Variants in NAV2 observed in about 807,000 individuals in gnomAD.
NAV2 encodes neuron navigator 2.
NAV2 carries 54 observed loss-of-function variants against 223.2 expected under a neutral mutation model. The observed-to-expected ratio is 0.24, with a 90% CI of 0.19 to 0.30. The LOEUF (loss-of-function observed/expected upper bound fraction) is 0.30, where lower values mean the gene tolerates loss of function less well. Among genes scored for constraint, NAV2 ranks in the 10% least tolerant of loss-of-function variants. The probability of loss-of-function intolerance (pLI) is 1.00; values close to 1 mark genes in which losing one functional copy is unlikely to be tolerated. For synonymous variants in NAV2, 1,279 were observed against 1,239.3 expected, an observed-to-expected ratio of 1.03 and a Z score of -0.67; for missense variants, 2,806 against 3,147.5, an observed-to-expected ratio of 0.89 and a Z score of 2.60.
intron 1 of NAV2, among the ~76,000 whole-genome samples, chr11:19,519,516 C>T (rs1310715476): frequency 6.6e-6 from 1 of 152,190 alleles, no homozygotes; most frequent in African/African-American, 2.4e-5. Flanking sequence ...AGGGTTTGAA[C>T]CCTGATGATG....
intron 6 of NAV2, among the ~76,000 whole-genome samples, chr11:19,908,858 G>C (rs984078599): frequency 1.3e-5 from 2 of 152,160 alleles, no homozygotes; most frequent in Admixed American, 6.5e-5. Context: ...TGCTAGGGCT[G>C]TGGGGTGGGA....
chr11:19,639,827 A>ATGG (rs2047611225), intron 1 of NAV2, among the ~76,000 whole-genome samples: 1 of 152,102 alleles, frequency 6.6e-6, no homozygotes, highest in Non-Finnish European at 1.5e-5. Context: ...GATCAGGGAG[A>ATGG]TGGAGTGGGA....
At chr11:19,614,264 T>C (rs772071126) in intron 1 of NAV2, among the ~76,000 whole-genome samples, 5 of 152,154 alleles carry the variant, frequency 3.3e-5, no homozygotes, top group Non-Finnish European at 7.3e-5. Context: ...GCTGGCTGTG[T>C]TCTTCTCCAC....
Position 20,023,313 on chromosome 11 carries a change from T to C in NAV2, c.2769-12646T>C, listed in dbSNP as rs563708534. ...GGGAGGGGGCGGGGGGCAAGGTTGC[T>C]GGTCAGGAAATTCACCTCTTCTCCT... is the stretch of plus-strand genomic sequence containing the variant. On this transcript the variant is annotated intron_variant, in intron 11 of 37. Transcript: ENST00000349880. Among the ~76,000 whole-genome samples, 143 of 152,060 alleles carry C rather than the reference T, an allele frequency of 9.4e-4. 1 individual carries two copies. Among genetic ancestry groups the C allele is most frequent in the African/African-American group, 3.2e-3 (132 of 41,464 alleles).
intron 9 of NAV2, 69 bp from the exon 10 acceptor site, chr11:19,948,622 T>C: frequency 6.9e-7 from 1 of 1,442,708 alleles, no homozygotes; most frequent in Non-Finnish European, 9.2e-7. Flanking sequence ...TTCTAAATAA[T>C]TAAAGAACAT....
intron 1 of NAV2, among the ~76,000 whole-genome samples, chr11:19,572,515 G>A (rs577682505): frequency 6.6e-6 from 1 of 152,298 alleles, no homozygotes; most frequent in South Asian, 2.1e-4. Context: ...GGAAGCTCTG[G>A]AGTGTTCATT....
At chr11:19,646,872 T>C (rs76897050) in intron 1 of NAV2, among the ~76,000 whole-genome samples, 2 of 152,260 alleles carry the variant, frequency 1.3e-5, no homozygotes, top group East Asian at 3.9e-4. Flanking sequence ...AGCCTAGACT[T>C]GAACTCAGAT....
chr11:19,421,599 A>G (rs867233478), intron 1 of NAV2, among the ~76,000 whole-genome samples: 1 of 152,290 alleles, frequency 6.6e-6, no homozygotes, highest in Middle Eastern at 3.4e-3. Flanking sequence ...AATTTGATCT[A>G]AAGACAAACA....
intron 1 of NAV2, among the ~76,000 whole-genome samples, chr11:19,394,235 C>T (rs1017548231): frequency 2.6e-4 from 40 of 152,236 alleles, no homozygotes; most frequent in Non-Finnish European, 4.1e-4. Flanking sequence ...TTAGGGATAA[C>T]TTTGGGTCCT....
chr11:19,530,697 A>C (rs148338461), intron 1 of NAV2, among the ~76,000 whole-genome samples: 1 of 152,220 alleles, frequency 6.6e-6, no homozygotes, highest in Non-Finnish European at 1.5e-5. Context: ...AGAGGTTGGA[A>C]CAACAGTAAT....
chr11:20,047,582 G>A (rs1350946883), intron 14 of NAV2, among the ~76,000 whole-genome samples: 7 of 152,190 alleles, frequency 4.6e-5, no homozygotes, highest in African/African-American at 2.4e-5. Context: ...TTGAAGTAAC[G>A]AGGTCCCTGT....
At chr11:20,056,016 G>A in intron 19 of NAV2, 59 bp downstream of exon 19, 1 of 1,489,142 alleles carries the variant, frequency 6.7e-7, no homozygotes. Flanking sequence ...GTTACTCAGT[G>A]TAGTTAAGGG....
At chr11:20,019,278 T>A (rs531470168) in intron 11 of NAV2, among the ~76,000 whole-genome samples, 10 of 152,246 alleles carry the variant, frequency 6.6e-5, no homozygotes, top group African/African-American at 1.9e-4. Context: ...CAAGGTATAT[T>A]TGGGGACTCT....
chr11:19,526,263 T>G (rs141646796), intron 1 of NAV2, among the ~76,000 whole-genome samples: 3 of 152,294 alleles, frequency 2.0e-5, no homozygotes, highest in African/African-American at 7.2e-5. Flanking sequence ...AGTGTTTTCT[T>G]CTCCCCTGCA....
chr11:19,909,321 G>T (rs142942607), intron 6 of NAV2, among the ~76,000 whole-genome samples: 1 of 152,112 alleles, frequency 6.6e-6, no homozygotes, highest in Non-Finnish European at 1.5e-5. Flanking sequence ...CATTCCAGGA[G>T]TACCCAGGCA....
chr11:19,692,777 GA>G (rs149040078), intron 1 of NAV2, among the ~76,000 whole-genome samples: 5,821 of 152,252 alleles, frequency 0.038, 167 homozygotes, highest in Non-Finnish European at 0.06. Context: ...GGATGCAGCA[GA>G]AAAAAACCCT....
intron 21 of NAV2, 27 bp downstream of exon 21, chr11:20,068,236 T>C: frequency 6.2e-7 from 1 of 1,613,650 alleles, no homozygotes; most frequent in Non-Finnish European, 8.5e-7. Context: ...TGGTTGGATT[T>C]CCTCTTTAAG....
chr11:19,407,482 G>A (rs1849949284), intron 1 of NAV2, among the ~76,000 whole-genome samples: 1 of 152,224 alleles, frequency 6.6e-6, no homozygotes, highest in Non-Finnish European at 1.5e-5. Flanking sequence ...TGGGAGCAGA[G>A]TTAGGTGGTG....
At chr11:20,077,906 T>C (rs1434960400) in intron 23 of NAV2, 87 bp from the exon 24 acceptor site, 6 of 1,038,380 alleles carry the variant, frequency 5.8e-6, no homozygotes, top group Admixed American at 4.1e-5. Context: ...TCATTCCCGC[T>C]CCTCCTGTGT....
Sources: gnomAD v4.1 joint callset for allele counts (sites outside exome capture counted in the v4.1 genomes callset) on GRCh38, gnomAD v4.1.1 for gene constraint, MANE v1.5 for transcripts, NCBI Gene and HGNC (gene_info 2026-07-23, HGNC 2026-07-21) for gene names.